EDEM2: variants seen among roughly 807,000 people sequenced by gnomAD.
EDEM2 encodes the protein ER degradation enhancing alpha-mannosidase like protein 2.
A neutral mutation model predicts 64.8 loss-of-function variants in EDEM2; 39 were observed. The observed-to-expected ratio is 0.60, with a 90% CI of 0.47 to 0.79. The LOEUF is 0.79. Among genes scored for constraint, EDEM2 ranks in the 30% least tolerant of loss-of-function variants. The pLI is 0.00. For missense variants in EDEM2, 609 were observed against 731.3 expected (o/e 0.83, Z 1.93); for synonymous variants, 296 against 291.5 (o/e 1.02, Z -0.16).
chr20:35,127,936 G>T (rs2085456391), intron 7 of EDEM2, among the ~76,000 whole-genome samples: 1 of 152,188 alleles, frequency 6.6e-6, no homozygotes, highest in Admixed American at 6.5e-5. Flanking sequence ...TTACTTACTT[G>T]TTTGTGGTGA....
intron 10 of EDEM2, among the ~76,000 whole-genome samples, chr20:35,117,472 T>C (rs985883934): frequency 3.3e-5 from 5 of 152,204 alleles, no homozygotes; most frequent in African/African-American, 7.2e-5. Flanking sequence ...TTCATGTTCA[T>C]GGAAATGAGC....
At chr20:35,136,611 T>G (rs1032060717) in intron 5 of EDEM2, among the ~76,000 whole-genome samples, 2 of 151,618 alleles carry the variant, frequency 1.3e-5, no homozygotes, top group African/African-American at 4.8e-5. Flanking sequence ...AATTTAGCCA[T>G]GCATGGTGGC....
At chr20:35,124,350 GA>G (rs767234929) in intron 8 of EDEM2, among the ~76,000 whole-genome samples, 152 of 152,280 alleles carry the variant, frequency 1.0e-3, no homozygotes, top group Admixed American at 2.8e-3. Context: ...TAAGAATAGA[GA>G]AAAGTTTGTG....
At position 35,146,865 on chromosome 20, in the gene EDEM2, G is replaced by A; in HGVS notation, c.178C>T (p.Leu60=). Residue 60 remains leucine, a synonymous_variant, in exon 2 of 11, where the codon CTG becomes TTG. Transcript: ENST00000374492. ...YLENAFPFDE[L]RPLTCDGHDT... ...TGCCCGTCACAGGTGAGAGGTCGCA[G>A]CTCATCGAAGGGAAAGGCATTCTCC... 1 of 1,614,172 alleles carries A rather than the reference G, an allele frequency of 6.2e-7. No individual in the cohort carries two copies.
chr20:35,115,436 T>C lies in EDEM2; in HGVS notation c.1734A>G (p.Ser578=), dbSNP rs1453176915. The C allele has an allele frequency of 5.6e-6, 9 of 1,613,246 alleles. No individual in the cohort carries two copies. The highest frequency in any genetic ancestry group is 1.3e-5 in the African/African-American group (1 of 74,898). The change falls in exon 11 of 11, where the codon TCA becomes TCG. Residue 578 remains serine, a synonymous_variant. Coordinates refer to ENST00000374492, the MANE Select transcript of EDEM2 (RefSeq NM_018217.3). ...ALLGQVFLDS[S] The stretch of plus-strand genomic sequence containing the variant: ...AAATAAAAAAATTATCCAGTGGTTA[T>C]GAGGAGTCTAGGAAAACCTGTCCCA...
intron 2 of EDEM2, among the ~76,000 whole-genome samples, chr20:35,146,037 T>C (rs1291582560): frequency 6.6e-6 from 1 of 151,156 alleles, no homozygotes; most frequent in East Asian, 1.9e-4. Context: ...GTGTATTTTA[T>C]TATATGTAAA....
chr20:35,125,656 T>C (rs1009115891), intron 8 of EDEM2, among the ~76,000 whole-genome samples: 2 of 152,192 alleles, frequency 1.3e-5, no homozygotes, highest in Non-Finnish European at 2.9e-5. Context: ...AGCGCTGGGA[T>C]TATAGGCCTG....
chr20:35,123,485 G>A (rs967820334), intron 9 of EDEM2, among the ~76,000 whole-genome samples: 3 of 152,180 alleles, frequency 2.0e-5, no homozygotes, highest in East Asian at 1.9e-4. Context: ...CCAGCTACTC[G>A]GGAGGCTGAG....
chr20:35,122,468 G>A (rs538588094), intron 9 of EDEM2, among the ~76,000 whole-genome samples: 12 of 152,192 alleles, frequency 7.9e-5, no homozygotes, highest in South Asian at 6.2e-4. Flanking sequence ...TCTACCTCCC[G>A]GGTTCAAGCG....
intron 5 of EDEM2, among the ~76,000 whole-genome samples, chr20:35,136,408 C>A (rs1175192500): frequency 3.9e-5 from 6 of 152,142 alleles, no homozygotes; most frequent in Admixed American, 1.3e-4. Flanking sequence ...AGACCTGAAC[C>A]TAGCTCACCC....
At position 35,141,119 on chromosome 20, in the gene EDEM2, C is replaced by CAAAAAA. The variant is rs58702725; in HGVS notation, c.364+1248_364+1253dup. Among the ~76,000 whole-genome samples, 22 of 29,380 alleles carry CAAAAAA rather than the reference C, an allele frequency of 7.5e-4. 1 individual carries two copies. The highest frequency in any genetic ancestry group is 2.2e-3 in the African/African-American group (21 of 9,490). 19.3% of individuals were successfully genotyped at this position (29,380 alleles called of 152,430 possible). ...TGGGCGACAGAGTGAGACTCCGCCT[C>CAAAAAA]AAAAAAAAAAAAAAAAAAAAAAAAA... On this transcript the variant is annotated intron_variant, in intron 4 of 10. Transcript: ENST00000374492.
intron 9 of EDEM2, among the ~76,000 whole-genome samples, chr20:35,121,506 T>C (rs965753062): frequency 3.3e-5 from 5 of 152,220 alleles, no homozygotes; most frequent in Non-Finnish European, 7.3e-5. Flanking sequence ...GCCTGGTTTC[T>C]AACAGGCCAT....
rs745549036 is a variant in EDEM2 at position 35,115,497 on chromosome 20, CA to C, written c.1672del (p.Cys558AlafsTer18). On this transcript the variant is annotated frameshift_variant, in exon 11 of 11. Coordinates refer to ENST00000374492, the MANE Select transcript of EDEM2 (RefSeq NM_018217.3). LOFTEE classifies it high-confidence loss of function. ...PAKQKVPLLS[C>X]PSQPFTSKLA... ...CTTGGAGGTGAAGGGCTGACTGGGG[CA>C]GCTGAGAAGTGGGACCTTCTGTTTG... The C allele has an allele frequency of 1.2e-6, 2 of 1,614,022 alleles. No individual in the cohort carries two copies. Among genetic ancestry groups the C allele is most frequent in the Admixed American group, 3.3e-5 (2 of 60,020 alleles).
At chr20:35,139,318 T>C (rs614799) in intron 4 of EDEM2, among the ~76,000 whole-genome samples, 120,658 of 146,256 alleles carry the variant, frequency 0.82, 50,102 homozygotes, top group African/African-American at 0.93. Context: ...CCACTGCACT[T>C]CAGCCTGGGT....
rs111609941 is a variant in EDEM2 at position 35,135,087 on chromosome 20, G to C, written c.491-138C>G. Reference sequence around the variant, plus strand: ...CCTGCTAGAGTCTGAGCCAGAGAAAGATAAATGTCATAACTGGAGGGCCCT... The same window carrying C: ...CCTGCTAGAGTCTGAGCCAGAGAAACATAAATGTCATAACTGGAGGGCCCT... On this transcript the variant is annotated intron_variant, in intron 5 of 10. Coordinates refer to ENST00000374492, the MANE Select transcript of EDEM2 (RefSeq NM_018217.3). The C allele has an allele frequency of 5.5e-5, 47 of 849,552 alleles. 2 individuals are homozygous for C. In the African/African-American group the frequency reaches 5.6e-4, roughly 10 times the overall value. The allele number at this position is 849,552 out of a possible 1,614,324, so 52.6% of individuals were successfully genotyped here.
intron 4 of EDEM2, 25 bp from the exon 5 acceptor site, chr20:35,138,030 G>A (rs764854887): frequency 6.2e-7 from 1 of 1,612,960 alleles, no homozygotes; most frequent in South Asian, 1.1e-5. Context: ...GAAAGCAAAT[G>A]GCACAGTCCA....
chr20:35,137,674 C>T (rs1333264705), intron 5 of EDEM2, among the ~76,000 whole-genome samples: 1 of 152,246 alleles, frequency 6.6e-6, no homozygotes, highest in Non-Finnish European at 1.5e-5. Flanking sequence ...ATGAGGTCAA[C>T]TCATCCATCC....
At chr20:35,133,627 C>T (rs181365769) in intron 6 of EDEM2, among the ~76,000 whole-genome samples, 4 of 151,940 alleles carry the variant, frequency 2.6e-5, no homozygotes, top group Admixed American at 6.6e-5. Flanking sequence ...CCACCACGCC[C>T]GGCTAATTTT....
intron 9 of EDEM2, among the ~76,000 whole-genome samples, chr20:35,121,604 G>C (rs1003462720): frequency 1.3e-5 from 2 of 152,190 alleles, no homozygotes; most frequent in Non-Finnish European, 2.9e-5. Flanking sequence ...GGACTTAGAG[G>C]AAGGTAAAAG....
Sources: gnomAD v4.1 joint callset for allele counts (sites outside exome capture counted in the v4.1 genomes callset) on GRCh38, gnomAD v4.1.1 for gene constraint, MANE v1.5 for transcripts, NCBI Gene and HGNC (gene_info 2026-07-23, HGNC 2026-07-21) for gene names.